Variants in NAALADL2 observed in about 807,000 individuals in gnomAD.
NAALADL2 encodes the protein inactive N-acetylated-alpha-linked acidic dipeptidase-like protein 2.
Under a neutral mutation model 87.2 loss-of-function variants are expected in NAALADL2, and 76 were observed. The observed-to-expected ratio is 0.87, with a 90% CI of 0.72 to 1.05. NAALADL2 has a LOEUF of 1.05. NAALADL2 is among the 50% of genes least tolerant of loss of function. The probability of loss-of-function intolerance (pLI) is 0.00; values close to 1 mark genes in which losing one functional copy is unlikely to be tolerated. For synonymous variants in NAALADL2, 354 were observed against 331.0 expected (o/e 1.07, Z -0.75); for missense variants, 1,089 against 945.8 (o/e 1.15, Z -1.99).
rs116979647 is a variant in NAALADL2, at chr3:174,994,118, C to T, written c.44-102672C>T. On this transcript the variant is annotated intron_variant, in intron 1 of 13. Coordinates refer to ENST00000454872, the MANE Select transcript of NAALADL2 (RefSeq NM_207015.3). ...CAGCTTCTGGATAGACATGAATTTCCAGGTGTGTTGGGGGAAGGTGACACT... is the reference window on the plus strand; with the variant it reads ...CAGCTTCTGGATAGACATGAATTTCTAGGTGTGTTGGGGGAAGGTGACACT... Among the ~76,000 whole-genome samples the T allele has an allele frequency of 2.1e-3, 327 of 152,232 alleles. 10 individuals carry two copies. The East Asian group carries it at 0.054, about 25-fold the overall frequency.
intron 10 of NAALADL2, among the ~76,000 whole-genome samples, chr3:175,609,816 C>T (rs192121584): frequency 2.6e-5 from 4 of 152,214 alleles, no homozygotes; most frequent in Non-Finnish European, 4.4e-5. Flanking sequence ...GTATTGTGAA[C>T]GACTTGCAGT....
chr3:174,797,414 C>T (rs1033076113), intron 3 of NAALADL2, among the ~76,000 whole-genome samples: 1 of 142,734 alleles, frequency 7.0e-6, no homozygotes, highest in Non-Finnish European at 1.5e-5. Context: ...CGGGTTCAAG[C>T]GATTCTCCTG....
chr3:174,657,553 C>A (rs1055928519), intron 2 of NAALADL2, among the ~76,000 whole-genome samples: 115 of 152,236 alleles, frequency 7.6e-4, no homozygotes, highest in African/African-American at 2.6e-3. Context: ...TGTGCCCCCA[C>A]ACATGCACAG....
At chr3:175,462,005 C>T (rs1723210943) in intron 6 of NAALADL2, among the ~76,000 whole-genome samples, 1 of 152,124 alleles carries the variant, frequency 6.6e-6, no homozygotes, top group South Asian at 2.1e-4. Flanking sequence ...TGAAGCTATC[C>T]CGTATGATAC....
At chr3:174,687,608 T>C (rs1437053699) in intron 2 of NAALADL2, among the ~76,000 whole-genome samples, 2 of 152,074 alleles carry the variant, frequency 1.3e-5, no homozygotes, top group African/African-American at 4.8e-5. Flanking sequence ...AATCGACAAG[T>C]GCAATAAAAT....
At chr3:174,682,692 G>T (rs747781170) in intron 2 of NAALADL2, among the ~76,000 whole-genome samples, 2 of 152,170 alleles carry the variant, frequency 1.3e-5, no homozygotes, top group Non-Finnish European at 2.9e-5. Flanking sequence ...CTAGGCTTGT[G>T]GTGGCCCCTA....
chr3:175,166,452 A>G (rs1560110487), intron 2 of NAALADL2, among the ~76,000 whole-genome samples: 1 of 152,080 alleles, frequency 6.6e-6, no homozygotes, highest in Admixed American at 6.6e-5. Flanking sequence ...CTATTAGAAT[A>G]TCTAATGGAA....
intron 11 of NAALADL2, among the ~76,000 whole-genome samples, chr3:175,722,061 T>C (rs1279094241): frequency 2.6e-5 from 4 of 152,068 alleles, no homozygotes; most frequent in African/African-American, 4.8e-5. Context: ...TTTCTCGCAT[T>C]TTGTTGTCTG....
chr3:175,581,245 C>T, intron 10 of NAALADL2: 1 of 272,254 alleles, frequency 3.7e-6, no homozygotes, highest in African/African-American at 2.3e-5. Flanking sequence ...AGATCGAGAC[C>T]AACCTGAAGA....
chr3:175,210,339 A>G (rs1490086031), intron 2 of NAALADL2, among the ~76,000 whole-genome samples: 1 of 151,790 alleles, frequency 6.6e-6, no homozygotes, highest in Non-Finnish European at 1.5e-5. Context: ...ATTCCATGTG[A>G]TGTGGAGGGA....
intron 2 of NAALADL2, among the ~76,000 whole-genome samples, chr3:174,564,951 G>GT (rs1257547474): frequency 1.3e-5 from 2 of 151,624 alleles, no homozygotes; most frequent in Admixed American, 6.6e-5. Context: ...TATTTTTACA[G>GT]TTTTTTTAGA....
intron 11 of NAALADL2, among the ~76,000 whole-genome samples, chr3:175,653,362 A>G (rs181400453): frequency 2.6e-5 from 4 of 152,344 alleles, no homozygotes; most frequent in Admixed American, 2.6e-4. Flanking sequence ...AATCAAAAGC[A>G]GTCTCAAATA....
At chr3:175,430,361 T>C (rs1265024547) in intron 5 of NAALADL2, among the ~76,000 whole-genome samples, 2 of 151,946 alleles carry the variant, frequency 1.3e-5, no homozygotes, top group Non-Finnish European at 2.9e-5. Flanking sequence ...ATTTGGAAAC[T>C]TGAAAGCAAT....
chr3:175,366,105 A>G (rs186852738), intron 5 of NAALADL2, among the ~76,000 whole-genome samples: 14,966 of 129,146 alleles, frequency 0.12, 1,620 homozygotes, highest in Non-Finnish European at 0.13. Context: ...GAGAACATGC[A>G]GTGTTTGGTT....
chr3:175,227,155 G>A (rs62285896), intron 2 of NAALADL2, among the ~76,000 whole-genome samples: 9 of 151,724 alleles, frequency 5.9e-5, no homozygotes, highest in Admixed American at 3.3e-4. Context: ...AGATGTTTTT[G>A]TTCCCCATTC....
rs545779202 is a variant in NAALADL2 at position 175,032,407 on chromosome 3, T to C, written c.44-64383T>C. Among the ~76,000 whole-genome samples the C allele has an allele frequency of 2.0e-5, 3 of 152,188 alleles. No homozygotes were observed. The South Asian group carries it at 6.2e-4, about 32-fold the overall frequency. ...CTTGAGTAAATTCAGTGATTTCTTT[T>C]TTTATATCAAGAATTATATTGCTCA... On this transcript the variant is annotated intron_variant, in intron 1 of 13. Coordinates refer to ENST00000454872, the MANE Select transcript of NAALADL2 (RefSeq NM_207015.3).
intron 11 of NAALADL2, among the ~76,000 whole-genome samples, chr3:175,634,615 C>T (rs970860526): frequency 1.3e-5 from 2 of 151,808 alleles, no homozygotes; most frequent in East Asian, 1.9e-4. Flanking sequence ...TCCTGGTACA[C>T]GTTTTTTAAA....
intron 3 of NAALADL2, among the ~76,000 whole-genome samples, chr3:174,758,913 T>G (rs1712500939): frequency 1.3e-5 from 2 of 152,222 alleles, no homozygotes; most frequent in African/African-American, 4.8e-5. Flanking sequence ...CTAGTGGGCC[T>G]TATCCAGACT....
At chr3:174,792,344 GCTGT>G (rs1188964324) in intron 3 of NAALADL2, among the ~76,000 whole-genome samples, 3 of 152,020 alleles carry the variant, frequency 2.0e-5, no homozygotes, top group Non-Finnish European at 2.9e-5. Flanking sequence ...TTTGTGGTAG[GCTGT>G]ACTGATTTTG....
Sources: allele counts gnomAD v4.1 joint callset (sites outside exome capture counted in the v4.1 genomes callset), GRCh38; gene constraint gnomAD v4.1.1; transcripts MANE v1.5; gene names NCBI Gene and HGNC (gene_info 2026-07-23, HGNC 2026-07-21).